Variants in MAX observed in about 807,000 individuals in gnomAD.
MAX encodes protein max.
MAX carries 3 observed loss-of-function variants against 22.3 expected under a neutral mutation model. The observed-to-expected ratio is 0.13, with a 90% CI of 0.06 to 0.35. The LOEUF (loss-of-function observed/expected upper bound fraction) is 0.35. Ranked by LOEUF, MAX falls within the 10% of genes least tolerant of loss-of-function variation. The pLI, the probability that MAX is intolerant of heterozygous loss-of-function variation, is 1.00. For missense variants in MAX, 119 were observed against 209.4 expected (o/e 0.57, Z 2.66); for synonymous variants, 72 against 77.7 (o/e 0.93, Z 0.39).
chr14:65,035,092 T>C (rs534691513), intron 3 of MAX, among the ~76,000 whole-genome samples: 32 of 152,220 alleles, frequency 2.1e-4, no homozygotes, highest in Non-Finnish European at 3.7e-4. Flanking sequence ...ATTTTTCTTC[T>C]TTGACTTTCC....
chr14:65,038,267 G>A (rs542964442), intron 3 of MAX, among the ~76,000 whole-genome samples: 16 of 151,812 alleles, frequency 1.1e-4, no homozygotes, highest in Non-Finnish European at 2.2e-4. Flanking sequence ...AACATTAGCC[G>A]GGTGTGGTGG....
intron 3 of MAX, among the ~76,000 whole-genome samples, chr14:65,049,139 A>AT (rs1351260756): frequency 6.6e-6 from 1 of 152,114 alleles, no homozygotes. Flanking sequence ...AAAAAAAAAA[A>AT]AAGGCTTAAG....
intron 3 of MAX, among the ~76,000 whole-genome samples, chr14:65,038,883 CCTGA>C (rs758584289): frequency 3.3e-5 from 5 of 152,112 alleles, no homozygotes; most frequent in Non-Finnish European, 5.9e-5. Context: ...ACTTTTACTT[CCTGA>C]CTACTTTTTT....
At chr14:65,051,053 A>C (rs1266240491) in intron 3 of MAX, among the ~76,000 whole-genome samples, 2 of 152,260 alleles carry the variant, frequency 1.3e-5, no homozygotes, top group East Asian at 3.8e-4. Flanking sequence ...AAAATAGTGC[A>C]AGTGTATCAA....
chr14:65,063,370 T>C (rs555305735), intron 3 of MAX, among the ~76,000 whole-genome samples: 21 of 152,274 alleles, frequency 1.4e-4, no homozygotes, highest in Admixed American at 4.6e-4. Flanking sequence ...ATGTGGTTAA[T>C]AGAAGGGATT....
In MAX at chr14:65,044,440, C is replaced by G; in HGVS notation, c.172-38156G>C. ...CCTGCTCCACCGCGCACTGCACGCC[C>G]AAGGTGAGCCTGGGGAGCTGTTCAC... On this transcript the variant is annotated intron_variant, in intron 3 of 3. Transcript: ENST00000341653. The surrounding 1 kb of genome is among the most constrained non-coding windows in gnomAD (Gnocchi z 5.5). 2 of 1,606,462 alleles carry G rather than the reference C, an allele frequency of 1.2e-6. No homozygotes were observed. Among genetic ancestry groups the G allele is most frequent in the Non-Finnish European group, 1.7e-6 (2 of 1,177,292 alleles).
At chr14:65,051,731 T>G (rs2062615976) in intron 3 of MAX, among the ~76,000 whole-genome samples, 2 of 152,238 alleles carry the variant, frequency 1.3e-5, no homozygotes, top group South Asian at 4.1e-4. Flanking sequence ...TTTTTCTTTT[T>G]TGCTATTTTC....
intron 3 of MAX, among the ~76,000 whole-genome samples, chr14:65,022,959 T>G (rs2061915894): frequency 6.6e-6 from 1 of 152,224 alleles, no homozygotes; most frequent in Non-Finnish European, 1.5e-5. Context: ...TTATTCTTAT[T>G]GGTTTCTGAT....
intron 3 of MAX, chr14:65,022,128 A>G: frequency 2.2e-6 from 1 of 454,064 alleles, no homozygotes; most frequent in Non-Finnish European, 4.4e-6. Context: ...AGGGAAGGAG[A>G]TTTCCTCTTC....
Position 65,054,388 on chromosome 14 carries a change from G to T in MAX, c.171+39320C>A, listed in dbSNP as rs10130037. Among the ~76,000 whole-genome samples, 1 of 151,442 alleles carries T rather than the reference G, an allele frequency of 6.6e-6. No homozygotes were observed. Among genetic ancestry groups the T allele is most frequent in the East Asian group, 2.0e-4 (1 of 5,054 alleles). ...AGCCTCCTGCTTGCTGGGATTATGGGTGTGAGCCACTGTGCTCAGCCAGTG... is the reference window on the plus strand; with the variant it reads ...AGCCTCCTGCTTGCTGGGATTATGGTTGTGAGCCACTGTGCTCAGCCAGTG... On this transcript the variant is annotated intron_variant, in intron 3 of 3. Transcript: ENST00000341653. This position sits in a 1 kb window ranked among gnomAD's most constrained non-coding sequence, Gnocchi z 4.4.
chr14:65,058,807 C>T (rs1004517865), intron 3 of MAX, among the ~76,000 whole-genome samples: 4 of 152,102 alleles, frequency 2.6e-5, no homozygotes, highest in African/African-American at 9.7e-5. Context: ...ATAGTAGAGG[C>T]AGTGTGTCTG....
rs921653725 is a variant in MAX at position 65,011,465 on chromosome 14, G to T, written c.172-5181C>A. 6.6e-6 allele frequency among the ~76,000 whole-genome samples: 1 copy of T among 151,152 alleles called. No individual in the cohort carries two copies. Among genetic ancestry groups the T allele is most frequent in the Admixed American group, 6.6e-5 (1 of 15,170 alleles). ...AAAAAAAAAAAAAGACTGCATGAAGGCTCTTACTCTGAGCCAAGTACAGTG... is the reference window on the plus strand; with the variant it reads ...AAAAAAAAAAAAAGACTGCATGAAGTCTCTTACTCTGAGCCAAGTACAGTG... On this transcript the variant is annotated intron_variant, in intron 3 of 3. Coordinates refer to the MAX transcript ENST00000341653. This position sits in a 1 kb window ranked among gnomAD's most constrained non-coding sequence, Gnocchi z 4.0.
At chr14:65,073,375 T>C (rs2063009453), downstream of MAX, among the ~76,000 whole-genome samples, 1 of 152,232 alleles carries the variant, frequency 6.6e-6, no homozygotes, top group Admixed American at 6.5e-5. Context: ...TCAGCTAAGA[T>C]GACAGCTCTG....
At position 65,076,988 on chromosome 14, in the gene MAX, T is replaced by A. The variant is rs1377435884; in HGVS notation, c.296-325A>T. 1 of 544,216 alleles carries A rather than the reference T, an allele frequency of 1.8e-6. No homozygotes were observed. Among genetic ancestry groups the A allele is most frequent in the African/African-American group, 1.9e-5 (1 of 52,854 alleles). The allele number at this position is 544,216 out of a possible 1,614,324, so 33.7% of individuals were successfully genotyped here. ...CTCCCTGTGGGATTCAGCAGTGCAA[T>A]AACAGAGGAGAAGCTGGCCCAGGAG... On this transcript the variant is annotated intron_variant, in intron 4 of 4. Coordinates refer to ENST00000358664, the MANE Select transcript of MAX (RefSeq NM_002382.5). The surrounding 1 kb of genome is among the most constrained non-coding windows in gnomAD (Gnocchi z 6.6).
At chr14:65,087,565 G>C (rs560836602) in intron 3 of MAX, among the ~76,000 whole-genome samples, 8 of 152,298 alleles carry the variant, frequency 5.3e-5, no homozygotes, top group Admixed American at 3.3e-4. Flanking sequence ...TTTTGGACTT[G>C]CATGAGGCCT....
rs905228071 is a variant in MAX at position 65,011,392 on chromosome 14, G to A, written c.172-5108C>T. ...TGCAGTAAGCTGAAATCACACCACT[G>A]CACTCCAGCCTGGGTGACAGAGCGA... On this transcript the variant is annotated intron_variant, in intron 3 of 3. Coordinates refer to the MAX transcript ENST00000341653. This position sits in a 1 kb window ranked among gnomAD's most constrained non-coding sequence, Gnocchi z 4.0. 2.1e-5 allele frequency among the ~76,000 whole-genome samples: 3 copies of A among 139,648 alleles called. No individual in the cohort carries two copies. Among genetic ancestry groups the A allele is most frequent in the African/African-American group, 8.4e-5 (3 of 35,702 alleles). 91.6% of individuals were successfully genotyped at this position (139,648 alleles called of 152,430 possible).
At chr14:65,096,332 C>T (rs572538673) in intron 2 of MAX, among the ~76,000 whole-genome samples, 3 of 152,298 alleles carry the variant, frequency 2.0e-5, no homozygotes, top group Admixed American at 2.0e-4. Flanking sequence ...TTTTTCTCTT[C>T]CCCAAGCTTG....
chr14:65,008,032 G>A (rs1238445829), intron 3 of MAX, among the ~76,000 whole-genome samples: 1 of 152,138 alleles, frequency 6.6e-6, no homozygotes, highest in Admixed American at 6.5e-5. Flanking sequence ...TCCTGTATGT[G>A]ATACAATTTT....
Position 65,023,571 on chromosome 14 carries a change from TG to T in MAX, c.172-17288del, listed in dbSNP as rs1475639177. Among the ~76,000 whole-genome samples, 3 of 152,208 alleles carry T rather than the reference TG, an allele frequency of 2.0e-5. No individual in the cohort carries two copies. The highest frequency in any genetic ancestry group is 7.2e-5 in the African/African-American group (3 of 41,462). On this transcript the variant is annotated intron_variant, in intron 3 of 3. Coordinates refer to the MAX transcript ENST00000341653. The surrounding 1 kb of genome is among the most constrained non-coding windows in gnomAD (Gnocchi z 4.1). The stretch of plus-strand genomic sequence containing the variant: ...TCTATATTCTGTAAATGTCTATAGG[TG>T]TCTATAAACATCTATACGTGTTCTA...
Sources: gnomAD v4.1 joint callset for allele counts (sites outside exome capture counted in the v4.1 genomes callset) on GRCh38, gnomAD v4.1.1 for gene constraint, Gnocchi (gnomAD v3.1) non-coding constraint, MANE v1.5 for transcripts, NCBI Gene and HGNC (gene_info 2026-07-23, HGNC 2026-07-21) for gene names.